Variants in BANK1 observed in about 807,000 individuals in gnomAD.
The protein encoded by BANK1 is B cell scaffold protein with ankyrin repeats 1.
In BANK1, 95 loss-of-function variants were observed where a neutral mutation model predicts 94.5. The observed-to-expected ratio is 1.00, with a 90% confidence interval of 0.85 to 1.19. The LOEUF is 1.19. Among genes scored for constraint, BANK1 ranks in the 50% most tolerant of loss-of-function variants. BANK1 has a pLI of 0.00. For synonymous variants in BANK1, 334 were observed against 308.4 expected (o/e 1.08, Z -0.87); for missense variants, 987 against 932.2 (o/e 1.06, Z -0.77).
At chr4:101,972,269 G>T (rs529162088) in intron 7 of BANK1, among the ~76,000 whole-genome samples, 4 of 151,684 alleles carry the variant, frequency 2.6e-5, no homozygotes, top group East Asian at 3.9e-4. Context: ...TTTCTCTTTT[G>T]GATAGTTCAT....
At chr4:102,060,972 ACACAC>A (rs1728400332) in intron 12 of BANK1, among the ~76,000 whole-genome samples, 1 of 152,156 alleles carries the variant, frequency 6.6e-6, no homozygotes, top group Non-Finnish European at 1.5e-5. Flanking sequence ...AATATACCAC[ACACAC>A]CCCTTGATAT....
chr4:101,793,046 A>G (rs1216839720), intron 1 of BANK1, among the ~76,000 whole-genome samples: 1 of 152,220 alleles, frequency 6.6e-6, no homozygotes, highest in Non-Finnish European at 1.5e-5. Context: ...TTATTAAATC[A>G]CAGATTTTTC....
At chr4:101,914,424 A>G (rs1435202898) in intron 6 of BANK1, among the ~76,000 whole-genome samples, 1 of 152,158 alleles carries the variant, frequency 6.6e-6, no homozygotes, top group Non-Finnish European at 1.5e-5. Flanking sequence ...CGTAAGTCAG[A>G]AAATAACTGG....
intron 6 of BANK1, among the ~76,000 whole-genome samples, chr4:101,897,256 A>T (rs549519277): frequency 6.6e-6 from 1 of 152,126 alleles, no homozygotes; most frequent in South Asian, 2.1e-4. Context: ...TGAAGATGGA[A>T]TTATGACACA....
At chr4:101,938,785 A>G (rs1723653756) in intron 7 of BANK1, among the ~76,000 whole-genome samples, 1 of 151,656 alleles carries the variant, frequency 6.6e-6, no homozygotes, top group South Asian at 2.1e-4. Flanking sequence ...CTGTGAATAT[A>G]TGTTCTCTGT....
chr4:101,900,241 T>C (rs2148892888), intron 6 of BANK1, among the ~76,000 whole-genome samples: 1 of 152,302 alleles, frequency 6.6e-6, no homozygotes, highest in South Asian at 2.1e-4. Flanking sequence ...TCATGAAACT[T>C]ATTTAAGTCA....
intron 7 of BANK1, among the ~76,000 whole-genome samples, chr4:101,966,823 C>G (rs1724780363): frequency 6.6e-6 from 1 of 152,016 alleles, no homozygotes; most frequent in Admixed American, 6.6e-5. Flanking sequence ...ATATCTTAGC[C>G]TAATGTTGGT....
chr4:101,853,937 T>C (rs1267704554), intron 2 of BANK1, among the ~76,000 whole-genome samples: 2 of 152,184 alleles, frequency 1.3e-5, no homozygotes, highest in Non-Finnish European at 2.9e-5. Flanking sequence ...TTTGTCTAGA[T>C]TCTGACATGA....
At chr4:101,855,220 C>G in intron 3 of BANK1, 31 bp downstream of exon 3, 1 of 1,595,246 alleles carries the variant, frequency 6.3e-7, no homozygotes, top group Non-Finnish European at 8.6e-7. Context: ...ATTTAAGTGA[C>G]CCCATTGTGT....
At chr4:101,826,806 C>A (rs1164665109) in intron 1 of BANK1, among the ~76,000 whole-genome samples, 1 of 151,890 alleles carries the variant, frequency 6.6e-6, no homozygotes, top group East Asian at 1.9e-4. Context: ...TGTTGAATAT[C>A]TGTTCAAGAA....
intron 7 of BANK1, among the ~76,000 whole-genome samples, chr4:101,992,452 T>C (rs1246534297): frequency 1.1e-4 from 16 of 152,218 alleles, no homozygotes; most frequent in Admixed American, 1.0e-3. Flanking sequence ...TATGTACTTT[T>C]AAATTCAAAA....
chr4:101,866,195 C>G (rs997372949), intron 4 of BANK1, among the ~76,000 whole-genome samples: 1 of 151,854 alleles, frequency 6.6e-6, no homozygotes, highest in South Asian at 2.1e-4. Flanking sequence ...TCAAAACCAC[C>G]GTATCAAAAA....
intron 6 of BANK1, among the ~76,000 whole-genome samples, chr4:101,907,035 G>T (rs1020459437): frequency 3.9e-5 from 6 of 152,168 alleles, no homozygotes; most frequent in Non-Finnish European, 7.4e-5. Context: ...CATTAGCATT[G>T]TTTCCATAGA....
chr4:101,812,195 A>T (rs1164704291), intron 1 of BANK1, among the ~76,000 whole-genome samples: 4 of 151,954 alleles, frequency 2.6e-5, no homozygotes, highest in African/African-American at 9.6e-5. Flanking sequence ...GGTAAAGAAG[A>T]TTATTCTGTG....
At chr4:101,995,871 A>G (rs184265135) in intron 7 of BANK1, among the ~76,000 whole-genome samples, 13 of 152,304 alleles carry the variant, frequency 8.5e-5, no homozygotes, top group African/African-American at 2.9e-4. Context: ...ATAGATTGCA[A>G]AAATTTTCTC....
chr4:101,813,500 A>C (rs10016181), intron 1 of BANK1, among the ~76,000 whole-genome samples: 6,296 of 152,280 alleles, frequency 0.041, 438 homozygotes, highest in African/African-American at 0.14. Context: ...CTTAAGAATT[A>C]CCAAAGTGCT....
intron 1 of BANK1, among the ~76,000 whole-genome samples, chr4:101,810,732 A>G (rs1171016312): frequency 6.6e-6 from 1 of 152,204 alleles, no homozygotes; most frequent in Non-Finnish European, 1.5e-5. Context: ...ACTAGTACAA[A>G]TATGTATTTA....
chr4:101,908,682 T>C (rs1413492715), intron 6 of BANK1, among the ~76,000 whole-genome samples: 1 of 152,078 alleles, frequency 6.6e-6, no homozygotes, highest in Non-Finnish European at 1.5e-5. Flanking sequence ...ATATCCAGAA[T>C]CTACAATGAA....
intron 7 of BANK1, among the ~76,000 whole-genome samples, chr4:101,928,179 G>C (rs1045125985): frequency 2.6e-5 from 4 of 151,640 alleles, no homozygotes; most frequent in Non-Finnish European, 5.9e-5. Flanking sequence ...TTGTAATGAA[G>C]CATGAGCTCT....
Sources: gnomAD v4.1 joint callset for allele counts (sites outside exome capture counted in the v4.1 genomes callset) on GRCh38, gnomAD v4.1.1 for gene constraint, MANE v1.5 for transcripts, NCBI Gene and HGNC (gene_info 2026-07-23, HGNC 2026-07-21) for gene names.